EMX1: variants seen among roughly 807,000 people sequenced by gnomAD.
EMX1 encodes the protein homeobox protein EMX1.
In EMX1, 10 loss-of-function variants were observed where a neutral mutation model predicts 20.1. The observed-to-expected ratio is 0.50, with a 90% CI of 0.31 to 0.84. The LOEUF is 0.84. Among genes scored for constraint, EMX1 ranks in the 40% least tolerant of loss-of-function variants. The pLI is 0.05. For synonymous variants in EMX1, 250 were observed against 200.4 expected (o/e 1.25, Z -2.09); for missense variants, 424 against 431.9 (o/e 0.98, Z 0.16).
At chr2:72,922,636 C>G (rs1671123745) in intron 1 of EMX1, among the ~76,000 whole-genome samples, 2 of 152,236 alleles carry the variant, frequency 1.3e-5, no homozygotes, top group Admixed American at 6.5e-5. Flanking sequence ...CAACTCTGTT[C>G]CACAGAAAAC....
intron 1 of EMX1, among the ~76,000 whole-genome samples, chr2:72,922,586 A>G (rs1671123205): frequency 6.6e-6 from 1 of 152,216 alleles, no homozygotes; most frequent in Non-Finnish European, 1.5e-5. Flanking sequence ...ACTGGAGATT[A>G]TTGACTGACC....
chr2:72,924,101 G>T, intron 1 of EMX1: 2 of 639,456 alleles, frequency 3.1e-6, no homozygotes, highest in South Asian at 3.6e-5. Flanking sequence ...GCTCTCGAGT[G>T]CGGGGAGGTG....
intron 2 of EMX1, among the ~76,000 whole-genome samples, chr2:72,931,616 A>G (rs1415664032): frequency 6.6e-6 from 1 of 152,168 alleles, no homozygotes; most frequent in East Asian, 1.9e-4. Context: ...CCCTGCGCCC[A>G]AAGATAGGTG....
intron 2 of EMX1, chr2:72,933,470 C>T: frequency 3.0e-6 from 1 of 332,964 alleles, no homozygotes; most frequent in Non-Finnish European, 5.5e-6. Flanking sequence ...AGCCTGCACT[C>T]CTCCACCTTG....
intron 1 of EMX1, 42 bp from the exon 2 acceptor site, chr2:72,924,267 T>C: frequency 6.5e-7 from 1 of 1,546,100 alleles, no homozygotes; most frequent in Non-Finnish European, 8.7e-7. Flanking sequence ...CCCTTCTCTC[T>C]GTCTGTACCT....
intron 2 of EMX1, chr2:72,933,517 C>T: frequency 2.1e-6 from 1 of 475,302 alleles, no homozygotes; most frequent in Non-Finnish European, 3.8e-6. Flanking sequence ...CTAGGATGCA[C>T]AGCAGCTCTG....
intron 2 of EMX1, 43 bp downstream of exon 2, chr2:72,924,536 G>A: frequency 6.6e-7 from 1 of 1,508,624 alleles, no homozygotes; most frequent in Non-Finnish European, 8.8e-7. Flanking sequence ...CCGGAGCCCG[G>A]GTGGAGGTGA....
In EMX1 at chr2:72,924,310, C is replaced by T; in HGVS notation, c.522C>T (p.Ala174=). The T allele has an allele frequency of 6.4e-7, 1 of 1,562,760 alleles. No individual in the cohort carries two copies. Among genetic ancestry groups the T allele is most frequent in the South Asian group, 1.2e-5 (1 of 85,962 alleles). The change falls in exon 2 of 3, where the codon GCC becomes GCT. Residue 174 remains alanine, a splice_region_variant and synonymous_variant. Transcript: ENST00000258106. The part of the protein sequence containing the change: ...RNRFFGHRFQ[A]SDVPQDGLLL... ...TTGCCGTCGGCGGCGGGGCCGCAGC[C>T]AGCGACGTGCCCCAGGACGGGCTGC...
In EMX1 at chr2:72,917,993, C is replaced by T. The variant is rs1201596657; in HGVS notation, c.141C>T (p.Ser47=). 1.4e-6 allele frequency: 2 copies of T among 1,468,376 alleles called. No homozygotes were observed. Among genetic ancestry groups the T allele is most frequent in the South Asian group, 1.3e-5 (1 of 76,818 alleles). The allele number at this position is 1,468,376 out of a possible 1,614,324, so 91.0% of individuals were successfully genotyped here. A position where few individuals can be genotyped will look rare whatever the true frequency, so the allele number is the denominator to read the frequency against. The change falls in exon 1 of 3, where the codon TCC becomes TCT. Residue 47 remains serine (S), a synonymous_variant. Transcript: ENST00000258106. ...CCAAGCGCGGCTTTACCATAGAGTCCTTGGTGGCCAAGGACGGCGGCACCG... is the reference window on the plus strand; with the variant it reads ...CCAAGCGCGGCTTTACCATAGAGTCTTTGGTGGCCAAGGACGGCGGCACCG... ...PAAKRGFTIE[S]LVAKDGGTGG...
intron 1 of EMX1, among the ~76,000 whole-genome samples, chr2:72,921,000 C>T (rs1014530852): frequency 2.0e-4 from 30 of 152,192 alleles, no homozygotes; most frequent in African/African-American, 7.2e-4. Flanking sequence ...ATCTCCGCCG[C>T]CTGTCCTGCC....
chr2:72,918,587 C>T (rs1003751316), intron 1 of EMX1, among the ~76,000 whole-genome samples: 1 of 152,250 alleles, frequency 6.6e-6, no homozygotes, highest in Admixed American at 6.5e-5. Flanking sequence ...GTGGAGACCT[C>T]CAGGCTTTTC....
rs1281025472 is a variant in EMX1 at position 72,924,447 on chromosome 2, C to T, written c.659C>T (p.Ala220Val). 3 of 1,596,916 alleles carry T rather than the reference C, an allele frequency of 1.9e-6. No individual in the cohort carries two copies. The highest frequency in any genetic ancestry group is 2.6e-6 in the Non-Finnish European group (3 of 1,176,352). The part of the protein sequence containing the change: ...AFEKNHYVVG[A>V]ERKQLAGSLS... ...GAGAAGAACCACTACGTGGTGGGCG[C>T]CGAGCGGAAGCAGCTGGCCGGCAGT... The change falls in exon 2 of 3, where the codon GCC becomes GTC. Residue 220 changes from alanine to valine, a missense_variant. Transcript: ENST00000258106.
chr2:72,931,236 A>G (rs543482770), intron 2 of EMX1, among the ~76,000 whole-genome samples: 1 of 152,202 alleles, frequency 6.6e-6, no homozygotes, highest in East Asian at 1.9e-4. Flanking sequence ...TCGCCATCCA[A>G]AGCTTTCCTT....
chr2:72,923,347 A>G (rs1473981665), intron 1 of EMX1: 2 of 152,228 alleles, frequency 1.3e-5, no homozygotes. Flanking sequence ...ATATATCTAT[A>G]TCTATATATA....
chr2:72,928,380 C>A (rs909381946), intron 2 of EMX1, among the ~76,000 whole-genome samples: 3 of 152,174 alleles, frequency 2.0e-5, no homozygotes, highest in Non-Finnish European at 4.4e-5. Context: ...ATGTGGGGCA[C>A]CAACGGGCTT....
Position 72,925,748 on chromosome 2 carries a change from C to G in EMX1, c.705+1255C>G, listed in dbSNP as rs536716571. 90 of 985,420 alleles carry G rather than the reference C, an allele frequency of 9.1e-5. No individual in the cohort carries two copies. The South Asian group carries it at 3.9e-3, about 42-fold the overall frequency. 61.0% of individuals were successfully genotyped at this position (985,420 alleles called of 1,614,324 possible). A position where few individuals can be genotyped will look rare whatever the true frequency, so the allele number is the denominator to read the frequency against. On this transcript the variant is annotated intron_variant, in intron 2 of 2. Transcript: ENST00000258106. ...AGGGAGCCCAGACCCAAACTTCATC[C>G]GCAGCTTTCTTCGGCGGACCTTACC...
chr2:72,924,209 G>A lies in EMX1; in HGVS notation c.521-100G>A, dbSNP rs1485869811. ...AAGGAATGGAGAGGGCAGGGCGCTTGGGAGCAGGGCGCGAGGCCAGGCTCT... is the reference window on the plus strand; with the variant it reads ...AAGGAATGGAGAGGGCAGGGCGCTTAGGAGCAGGGCGCGAGGCCAGGCTCT... On this transcript the variant is annotated intron_variant, in intron 1 of 2. Coordinates refer to ENST00000258106, the MANE Select transcript of EMX1 (RefSeq NM_004097.3). 3 of 1,436,916 alleles carry A rather than the reference G, an allele frequency of 2.1e-6. No individual in the cohort carries two copies. In the East Asian group the frequency reaches 7.4e-5, roughly 36 times the overall value. The allele number at this position is 1,436,916 out of a possible 1,614,324, so 89.0% of individuals were successfully genotyped here. A position where few individuals can be genotyped will look rare whatever the true frequency, so the allele number is the denominator to read the frequency against.
chr2:72,920,149 C>T (rs535742247), intron 1 of EMX1, among the ~76,000 whole-genome samples: 11 of 152,340 alleles, frequency 7.2e-5, no homozygotes, highest in Non-Finnish European at 1.3e-4. Flanking sequence ...TGACGCCCTC[C>T]GCACCGCGGT....
intron 1 of EMX1, among the ~76,000 whole-genome samples, chr2:72,921,839 G>C (rs1036555890): frequency 5.9e-5 from 9 of 152,150 alleles, no homozygotes; most frequent in Non-Finnish European, 1.2e-4. Flanking sequence ...AAAATAACCA[G>C]ACTTGAGGCA....
Sources: gnomAD v4.1 joint callset for allele counts (sites outside exome capture counted in the v4.1 genomes callset) on GRCh38, gnomAD v4.1.1 for gene constraint, MANE v1.5 for transcripts, NCBI Gene and HGNC (gene_info 2026-07-23, HGNC 2026-07-21) for gene names.